Variants in PTPRD observed in about 807,000 individuals in gnomAD.
The protein encoded by PTPRD is protein tyrosine phosphatase receptor type D, also known as receptor-type tyrosine-protein phosphatase delta.
Under a neutral mutation model 214.5 loss-of-function variants are expected in PTPRD, and 34 were observed. The observed-to-expected ratio is 0.16, with a 90% CI of 0.12 to 0.21. The LOEUF (loss-of-function observed/expected upper bound fraction) is 0.21, where lower values mean the gene tolerates loss of function less well. Among genes scored for constraint, PTPRD ranks in the 10% least tolerant of loss-of-function variants. The probability of loss-of-function intolerance (pLI) is 1.00; values close to 1 mark genes in which losing one functional copy is unlikely to be tolerated. For missense variants in PTPRD, 2,545 were observed against 2,398.7 expected (o/e 1.06, Z -1.27); for synonymous variants, 1,128 against 845.7 (o/e 1.33, Z -5.79).
intron 8 of PTPRD, among the ~76,000 whole-genome samples, chr9:9,542,163 G>A (rs1269744363): frequency 6.6e-6 from 1 of 151,706 alleles, no homozygotes; most frequent in African/African-American, 2.4e-5. Context: ...ACAATCTACT[G>A]CTATCAGGGA....
intron 9 of PTPRD, among the ~76,000 whole-genome samples, chr9:9,305,627 T>G (rs1956888467): frequency 6.6e-6 from 1 of 152,138 alleles, no homozygotes; most frequent in South Asian, 2.1e-4. Flanking sequence ...CAGTGTCATT[T>G]GGAAATGGAG....
intron 2 of PTPRD, among the ~76,000 whole-genome samples, chr9:10,367,644 G>C (rs1278248707): frequency 6.6e-6 from 1 of 152,170 alleles, no homozygotes; most frequent in East Asian, 1.9e-4. Context: ...AAAATGAGAA[G>C]GCGGGGAGAA....
intron 11 of PTPRD, among the ~76,000 whole-genome samples, chr9:8,959,958 C>G (rs1330345560): frequency 1.3e-5 from 2 of 151,948 alleles, no homozygotes; most frequent in African/African-American, 4.8e-5. Flanking sequence ...ACAACATCAT[C>G]TTTCTTTCCC....
chr9:9,775,775 C>G (rs911602750), intron 5 of PTPRD, among the ~76,000 whole-genome samples: 1 of 151,978 alleles, frequency 6.6e-6, no homozygotes, highest in East Asian at 1.9e-4. Context: ...AACCCAGTCT[C>G]TACTGAAAAT....
intron 14 of PTPRD, among the ~76,000 whole-genome samples, chr9:8,537,085 C>G (rs1464272603): frequency 6.6e-6 from 1 of 151,874 alleles, no homozygotes; most frequent in East Asian, 1.9e-4. Flanking sequence ...CAGATGGCAG[C>G]AGGGTATAAT....
intron 9 of PTPRD, among the ~76,000 whole-genome samples, chr9:9,188,715 T>G (rs752599368): frequency 7.2e-5 from 11 of 151,972 alleles, no homozygotes; most frequent in Non-Finnish European, 1.2e-4. Flanking sequence ...GGGAGATCCT[T>G]GAAGGATTGC....
chr9:10,529,545 A>G (rs2055487575), intron 2 of PTPRD, among the ~76,000 whole-genome samples: 1 of 150,464 alleles, frequency 6.6e-6, no homozygotes, highest in South Asian at 2.1e-4. Context: ...CAGGGAGGGG[A>G]ACATCATACA....
At chr9:9,832,975 G>A (rs1311058368) in intron 5 of PTPRD, among the ~76,000 whole-genome samples, 2 of 151,746 alleles carry the variant, frequency 1.3e-5, no homozygotes, top group African/African-American at 4.8e-5. Context: ...ATACTTGTGG[G>A]AAAATAATTC....
intron 11 of PTPRD, among the ~76,000 whole-genome samples, chr9:8,757,207 CAT>C (rs1375410728): frequency 1.3e-5 from 2 of 152,030 alleles, no homozygotes; most frequent in Non-Finnish European, 2.9e-5. Context: ...CATGCTAATA[CAT>C]GTTAGACAAA....
chr9:10,328,595 C>T (rs996233130), intron 3 of PTPRD, among the ~76,000 whole-genome samples: 1 of 151,740 alleles, frequency 6.6e-6, no homozygotes, highest in South Asian at 2.1e-4. Flanking sequence ...AGAGTTTTCC[C>T]GAGACTTTGA....
At chr9:10,365,277 T>G (rs1233918746) in intron 2 of PTPRD, among the ~76,000 whole-genome samples, 1 of 152,202 alleles carries the variant, frequency 6.6e-6, no homozygotes, top group African/African-American at 2.4e-5. Flanking sequence ...CTTATAGATT[T>G]AAGCCCAAAC....
At chr9:10,031,684 A>ATG (rs2097081267) in intron 4 of PTPRD, among the ~76,000 whole-genome samples, 1 of 145,332 alleles carries the variant, frequency 6.9e-6, no homozygotes, top group Non-Finnish European at 1.5e-5. Context: ...ACACACACAT[A>ATG]TCCTATTAGT....
At chr9:9,221,832 C>T (rs774244041) in intron 9 of PTPRD, among the ~76,000 whole-genome samples, 22 of 151,938 alleles carry the variant, frequency 1.4e-4, no homozygotes, top group Non-Finnish European at 2.6e-4. Context: ...TACAAGATTA[C>T]GGCATGATGT....
intron 9 of PTPRD, among the ~76,000 whole-genome samples, chr9:9,305,153 T>G (rs1956741960): frequency 6.6e-6 from 1 of 151,708 alleles, no homozygotes; most frequent in African/African-American, 2.4e-5. Context: ...TTCTTTTGTC[T>G]CACTAATACA....
intron 12 of PTPRD, among the ~76,000 whole-genome samples, chr9:8,707,090 C>T (rs2098225973): frequency 6.6e-6 from 1 of 152,156 alleles, no homozygotes; most frequent in Non-Finnish European, 1.5e-5. Flanking sequence ...AACAGCAAGC[C>T]TACAATCAAT....
intron 3 of PTPRD, among the ~76,000 whole-genome samples, chr9:10,124,560 T>C (rs2098800915): frequency 6.6e-6 from 1 of 152,190 alleles, no homozygotes; most frequent in African/African-American, 2.4e-5. Context: ...GTCTTAGCCC[T>C]TCCTTAGACC....
chr9:9,608,029 C>A (rs2094289693), intron 7 of PTPRD, among the ~76,000 whole-genome samples: 1 of 152,178 alleles, frequency 6.6e-6, no homozygotes, highest in Non-Finnish European at 1.5e-5. Context: ...GACTCCACTG[C>A]TTACTAGGCA....
At chr9:10,066,456 A>G (rs1317047475) in intron 3 of PTPRD, among the ~76,000 whole-genome samples, 1 of 151,424 alleles carries the variant, frequency 6.6e-6, no homozygotes, top group African/African-American at 2.4e-5. Flanking sequence ...ACCAGGTTTC[A>G]AAAAATGTAT....
At chr9:9,019,388 G>T (rs1410300830) in intron 10 of PTPRD, among the ~76,000 whole-genome samples, 3 of 151,510 alleles carry the variant, frequency 2.0e-5, no homozygotes, top group South Asian at 4.2e-4. Flanking sequence ...TAGGCTGAGG[G>T]CTTATTAAAC....
Sources: allele counts gnomAD v4.1 joint callset (sites outside exome capture counted in the v4.1 genomes callset), GRCh38; gene constraint gnomAD v4.1.1; transcripts MANE v1.5; gene names NCBI Gene and HGNC (gene_info 2026-07-23, HGNC 2026-07-21).